EFNA5: variants seen among roughly 807,000 people sequenced by gnomAD.
EFNA5 encodes the protein ephrin A5.
EFNA5 carries 5 observed loss-of-function variants against 22.9 expected under a neutral mutation model. The ratio of observed to expected loss-of-function variants is 0.22; its 90% confidence interval spans 0.11 to 0.46. EFNA5 has a LOEUF of 0.46. EFNA5 is among the 20% of genes least tolerant of loss of function. The pLI, the probability that EFNA5 is intolerant of heterozygous loss-of-function variation, is 0.99. For missense variants in EFNA5, 237 were observed against 293.3 expected (o/e 0.81, Z 1.40); for synonymous variants, 113 against 112.2 (o/e 1.01, Z -0.04).
At chr5:107,450,415 C>T (rs1249019237) in intron 1 of EFNA5, among the ~76,000 whole-genome samples, 1 of 152,218 alleles carries the variant, frequency 6.6e-6, no homozygotes, top group Non-Finnish European at 1.5e-5. Context: ...TGCTCCCTCT[C>T]TTCCCTTCTT....
chr5:107,429,401 A>G (rs1317933841), intron 1 of EFNA5, among the ~76,000 whole-genome samples: 3 of 152,224 alleles, frequency 2.0e-5, no homozygotes, highest in African/African-American at 7.2e-5. Flanking sequence ...AGCTGAGATC[A>G]CGCCACTGCA....
chr5:107,395,476 A>G (rs922362951), intron 2 of EFNA5, among the ~76,000 whole-genome samples: 2 of 152,216 alleles, frequency 1.3e-5, no homozygotes, highest in Non-Finnish European at 2.9e-5. Flanking sequence ...TAATATTTAG[A>G]TATCATTTTA....
At chr5:107,638,435 T>C (rs1387856805) in intron 1 of EFNA5, among the ~76,000 whole-genome samples, 1 of 152,194 alleles carries the variant, frequency 6.6e-6, no homozygotes. Flanking sequence ...TTATACAACA[T>C]GGTGGCTACA....
chr5:107,434,360 G>A (rs570557654), intron 1 of EFNA5, among the ~76,000 whole-genome samples: 1 of 152,230 alleles, frequency 6.6e-6, no homozygotes, highest in African/African-American at 2.4e-5. Context: ...TGACAGCTGG[G>A]GAGGCCACAT....
chr5:107,576,650 T>C (rs1487717132), intron 1 of EFNA5, among the ~76,000 whole-genome samples: 2 of 152,216 alleles, frequency 1.3e-5, no homozygotes, highest in East Asian at 1.9e-4. Flanking sequence ...ATCCAGCATG[T>C]TGGAGCAGAC....
intron 2 of EFNA5, among the ~76,000 whole-genome samples, chr5:107,411,027 G>A (rs1420808542): frequency 6.6e-6 from 1 of 151,846 alleles, no homozygotes; most frequent in Non-Finnish European, 1.5e-5. Flanking sequence ...AATCTTAACT[G>A]AAAAATATAA....
chr5:107,565,355 A>T (rs771381478), intron 1 of EFNA5, among the ~76,000 whole-genome samples: 3 of 152,210 alleles, frequency 2.0e-5, no homozygotes, highest in Non-Finnish European at 4.4e-5. Flanking sequence ...TATTAATATT[A>T]GGGCTTCTCA....
chr5:107,384,356 G>A (rs1747552689), intron 4 of EFNA5, among the ~76,000 whole-genome samples: 1 of 152,196 alleles, frequency 6.6e-6, no homozygotes, highest in South Asian at 2.1e-4. Context: ...AGCATGTTAT[G>A]TGGCATATGT....
chr5:107,435,315 CTTTTTTTTTTTT>C (rs3999107), intron 1 of EFNA5, among the ~76,000 whole-genome samples: 1 of 104,666 alleles, frequency 9.6e-6, no homozygotes, highest in Non-Finnish European at 1.9e-5. Context: ...TGAAGATGCT[CTTTTTTTTTTTT>C]TTTTTTTTTT....
At chr5:107,424,813 T>TGTTA (rs1396025751) in intron 2 of EFNA5, among the ~76,000 whole-genome samples, 2 of 152,152 alleles carry the variant, frequency 1.3e-5, no homozygotes, top group African/African-American at 4.8e-5. Flanking sequence ...AAGACAACCA[T>TGTTA]GTTAGCTCTG....
intron 1 of EFNA5, among the ~76,000 whole-genome samples, chr5:107,621,569 G>C (rs1750039869): frequency 6.6e-6 from 1 of 152,202 alleles, no homozygotes; most frequent in African/African-American, 2.4e-5. Flanking sequence ...TTTTGAGACA[G>C]GCAAATCCTG....
intron 1 of EFNA5, among the ~76,000 whole-genome samples, chr5:107,602,613 C>T (rs556587867): frequency 1.3e-5 from 2 of 152,230 alleles, no homozygotes; most frequent in Admixed American, 1.3e-4. Flanking sequence ...GTGCATTTTC[C>T]CCTCCATCCC....
At chr5:107,669,989 C>T (rs1316362735) in intron 1 of EFNA5, among the ~76,000 whole-genome samples, 1 of 149,970 alleles carries the variant, frequency 6.7e-6, no homozygotes, top group Non-Finnish European at 1.5e-5. Context: ...CCCGTGCGCT[C>T]TCTCTGCGCG....
chr5:107,443,528 T>G (rs1749314474), intron 1 of EFNA5, among the ~76,000 whole-genome samples: 1 of 152,194 alleles, frequency 6.6e-6, no homozygotes, highest in Non-Finnish European at 1.5e-5. Context: ...AGTGCTGTAG[T>G]GGCAGATGAT....
At chr5:107,498,375 A>G (rs1229841562) in intron 1 of EFNA5, among the ~76,000 whole-genome samples, 1 of 152,222 alleles carries the variant, frequency 6.6e-6, no homozygotes, top group Admixed American at 6.5e-5. Context: ...AACTAACTCA[A>G]CTGAAACTCA....
In EFNA5 at chr5:107,458,542, A is replaced by C. The variant is rs570993700; in HGVS notation, c.126-31033T>G. On this transcript the variant is annotated intron_variant, in intron 1 of 4. Transcript: ENST00000333274. ...ACCAAAAGGTACAAAGGTGAGAAAC[A>C]AGGTGCCTGGAACCTGGAGTGCTAA... is the stretch of plus-strand genomic sequence containing the variant. 8.5e-5 allele frequency among the ~76,000 whole-genome samples: 13 copies of C among 152,140 alleles called. No homozygotes were observed. In the Middle Eastern group the frequency reaches 0.01, roughly 119 times the overall value.
chr5:107,566,682 T>G (rs1748673108), intron 1 of EFNA5, among the ~76,000 whole-genome samples: 1 of 152,196 alleles, frequency 6.6e-6, no homozygotes, highest in Admixed American at 6.5e-5. Flanking sequence ...CCTGGCTTCC[T>G]TTCAAATTCC....
At chr5:107,582,503 G>T (rs1361147472) in intron 1 of EFNA5, among the ~76,000 whole-genome samples, 1 of 152,108 alleles carries the variant, frequency 6.6e-6, no homozygotes, top group Non-Finnish European at 1.5e-5. Context: ...GTCAGTTTAG[G>T]AAGCTAAACA....
intron 1 of EFNA5, among the ~76,000 whole-genome samples, chr5:107,494,901 T>G (rs1458009847): frequency 6.6e-6 from 1 of 152,144 alleles, no homozygotes; most frequent in Non-Finnish European, 1.5e-5. Context: ...CTAGCTACTC[T>G]GGTGGGGCCT....
Sources: gnomAD v4.1 joint callset for allele counts (sites outside exome capture counted in the v4.1 genomes callset) on GRCh38, gnomAD v4.1.1 for gene constraint, MANE v1.5 for transcripts, NCBI Gene and HGNC (gene_info 2026-07-23, HGNC 2026-07-21) for gene names.